RASGRF2: variants seen among roughly 807,000 people sequenced by gnomAD.
The protein encoded by RASGRF2 is Ras protein specific guanine nucleotide releasing factor 2.
In RASGRF2, 76 loss-of-function variants were observed where a neutral mutation model predicts 151.0. That is an observed-to-expected ratio of 0.50 (90% confidence interval 0.42 to 0.61). The LOEUF is 0.61. Ranked by LOEUF, RASGRF2 falls within the 20% of genes least tolerant of loss-of-function variation. The probability of loss-of-function intolerance (pLI) is 0.00; values close to 1 mark genes in which losing one functional copy is unlikely to be tolerated. For synonymous variants in RASGRF2, 504 were observed against 566.5 expected (o/e 0.89, Z 1.57); for missense variants, 1,148 against 1,564.6 (o/e 0.73, Z 4.49).
intron 4 of RASGRF2, 151 bp downstream of exon 4, chr5:81,070,732 A>C (rs904315360): frequency 4.8e-6 from 3 of 625,680 alleles, no homozygotes; most frequent in Non-Finnish European, 8.4e-6. Flanking sequence ...TGATCCAGAC[A>C]TGGCTACTCT....
At chr5:81,056,037 G>C (rs1156612594) in intron 2 of RASGRF2, among the ~76,000 whole-genome samples, 1 of 151,848 alleles carries the variant, frequency 6.6e-6, no homozygotes, top group African/African-American at 2.4e-5. Flanking sequence ...TATTAGTCTT[G>C]CTAGTGGTCT....
intron 11 of RASGRF2, 120 bp from the exon 12 acceptor site, chr5:81,094,736 C>A: frequency 8.9e-7 from 1 of 1,120,854 alleles, no homozygotes; most frequent in Non-Finnish European, 1.3e-6. Context: ...TACGATATTG[C>A]TGAAATGAGA....
chr5:81,206,898 T>C lies in RASGRF2; in HGVS notation c.2960T>C (p.Ile987Thr). ...DDIHLKLEDIIQMTDCMKAEC... is the reference protein window; with the variant it reads ...DDIHLKLEDITQMTDCMKAEC... ...ATCCACCTAAAATTAGAGGATATAATTCAAATGGTAAGTCTGACCACATTT... is the reference window on the plus strand; with the variant it reads ...ATCCACCTAAAATTAGAGGATATAACTCAAATGGTAAGTCTGACCACATTT... The change falls in exon 20 of 27, where the codon ATT becomes ACT. Residue 987 changes from isoleucine to threonine, a missense_variant. This residue lies in a region of RASGRF2 where 646 missense variants were observed against 807.4 expected (regional missense o/e 0.80). Transcript: ENST00000265080. 1 of 1,607,260 alleles carries C rather than the reference T, an allele frequency of 6.2e-7. No individual in the cohort carries two copies. The highest frequency in any genetic ancestry group is 8.5e-7 in the Non-Finnish European group (1 of 1,173,726).
At chr5:81,169,947 C>CTG (rs1754610409) in intron 17 of RASGRF2, among the ~76,000 whole-genome samples, 2 of 150,128 alleles carry the variant, frequency 1.3e-5, no homozygotes, top group Admixed American at 6.6e-5. Flanking sequence ...CCTGTATCAC[C>CTG]CATACCACCT....
At chr5:81,149,139 G>A (rs1425458643) in intron 17 of RASGRF2, among the ~76,000 whole-genome samples, 1 of 152,126 alleles carries the variant, frequency 6.6e-6, no homozygotes, top group Non-Finnish European at 1.5e-5. Context: ...TCCCACTATT[G>A]GGAAAATAAG....
chr5:81,100,064 T>C (rs1352177995), intron 12 of RASGRF2, among the ~76,000 whole-genome samples: 2 of 152,010 alleles, frequency 1.3e-5, no homozygotes, highest in East Asian at 1.9e-4. Context: ...CCCACCAGCA[T>C]GCCCAGCTAA....
chr5:81,085,927 A>G lies in RASGRF2; in HGVS notation c.1271+16A>G, dbSNP rs762993818. ...AACTATCCAGGTATGCCAAGAACTTATAACAAAGGCTTGGGAGAGGAAAGC... is the reference window on the plus strand; with the variant it reads ...AACTATCCAGGTATGCCAAGAACTTGTAACAAAGGCTTGGGAGAGGAAAGC... On this transcript the variant is annotated intron_variant, in intron 8 of 26. Coordinates refer to ENST00000265080, the MANE Select transcript of RASGRF2 (RefSeq NM_006909.3). 3.7e-6 allele frequency: 6 copies of G among 1,613,912 alleles called. No individual in the cohort carries two copies. The Admixed American group carries it at 5.0e-5, about 13-fold the overall frequency.
At chr5:81,150,091 C>G (rs1489893666) in intron 17 of RASGRF2, among the ~76,000 whole-genome samples, 1 of 152,102 alleles carries the variant, frequency 6.6e-6, no homozygotes, top group Non-Finnish European at 1.5e-5. Flanking sequence ...TTGCTGGTGT[C>G]TGGTGATTTG....
chr5:81,099,741 T>A (rs1340392364), intron 12 of RASGRF2, among the ~76,000 whole-genome samples: 1 of 152,210 alleles, frequency 6.6e-6, no homozygotes, highest in African/African-American at 2.4e-5. Context: ...TAATTATCAA[T>A]GAGATTAACA....
intron 17 of RASGRF2, among the ~76,000 whole-genome samples, chr5:81,141,543 T>C (rs1358264403): frequency 6.6e-6 from 1 of 152,238 alleles, no homozygotes; most frequent in Admixed American, 6.5e-5. Flanking sequence ...AAACTGCTGC[T>C]TTCTTTGCCC....
chr5:81,080,467 A>G, intron 6 of RASGRF2, 129 bp from the exon 7 acceptor site: 1 of 1,095,850 alleles, frequency 9.1e-7, no homozygotes, highest in Non-Finnish European at 1.3e-6. Flanking sequence ...ATCATCATTC[A>G]GGCATCAGGG....
chr5:81,138,364 G>A lies in RASGRF2; in HGVS notation c.2686+11201G>A, dbSNP rs568085004. Among the ~76,000 whole-genome samples the A allele has an allele frequency of 2.0e-4, 30 of 152,066 alleles. No homozygotes were observed. The East Asian group carries it at 4.6e-3, about 23-fold the overall frequency. ...CCCTGTAGACTATATTATTTTCCCC[G>A]TAGCTAAGAAGAAGGCGAGAGGGGA... On this transcript the variant is annotated intron_variant, in intron 17 of 26. Coordinates refer to ENST00000265080, the MANE Select transcript of RASGRF2 (RefSeq NM_006909.3).
At chr5:81,051,705 A>G (rs925956271) in intron 2 of RASGRF2, among the ~76,000 whole-genome samples, 4 of 152,146 alleles carry the variant, frequency 2.6e-5, no homozygotes, top group Non-Finnish European at 5.9e-5. Flanking sequence ...GATATACCAC[A>G]TTTTATTTAT....
intron 26 of RASGRF2, 146 bp downstream of exon 26, chr5:81,219,924 TAAAA>T (rs34019036): frequency 3.1e-4 from 113 of 366,670 alleles, no homozygotes; most frequent in South Asian, 6.4e-4. Flanking sequence ...CTAGTCTGAT[TAAAA>T]AAAAAAAAAA....
chr5:81,225,649 A>G, intron 26 of RASGRF2, 29 bp from the exon 27 acceptor site: 1 of 1,610,412 alleles, frequency 6.2e-7, no homozygotes, highest in Non-Finnish European at 8.5e-7. Context: ...TGAAAGAGGT[A>G]AAAGCTGGGA....
chr5:81,216,360 C>CAT (rs1755735878), intron 24 of RASGRF2, among the ~76,000 whole-genome samples: 4 of 130,938 alleles, frequency 3.1e-5, no homozygotes, highest in Non-Finnish European at 6.6e-5. Context: ...CACACACACA[C>CAT]ACACACACGC....
rs996747784 is a variant in RASGRF2, at chr5:81,194,828, A to G, written c.2794-6502A>G. 2.6e-5 allele frequency among the ~76,000 whole-genome samples: 4 copies of G among 152,196 alleles called. No individual in the cohort carries two copies. The South Asian group carries it at 6.2e-4, about 24-fold the overall frequency. On this transcript the variant is annotated intron_variant, in intron 18 of 26. Transcript: ENST00000265080. ...TCTTTCATGTGCAAACCCACCCAGA[A>G]GTCTGCTGCTCCGCCTCCACTGCAG...
chr5:81,114,779 A>C lies in RASGRF2; in HGVS notation c.2470+859A>C, dbSNP rs1409312563. On this transcript the variant is annotated intron_variant, in intron 15 of 26. Transcript: ENST00000265080. ...TCTGCTTGGCCACTTTTGCCATGTA[A>C]GCTCCATGAGATCAGCAGTCTGTCT... The C allele has an allele frequency of 2.0e-5, 3 of 152,178 alleles. No individual in the cohort carries two copies. The East Asian group carries it at 5.8e-4, about 29-fold the overall frequency. The allele number at this position is 152,178 out of a possible 1,614,324, so 9.4% of individuals were successfully genotyped here. A position where few individuals can be genotyped will look rare whatever the true frequency, so the allele number is the denominator to read the frequency against.
At chr5:81,052,729 A>T (rs1356653764) in intron 2 of RASGRF2, among the ~76,000 whole-genome samples, 2 of 152,184 alleles carry the variant, frequency 1.3e-5, no homozygotes, top group East Asian at 3.8e-4. Context: ...GTGTGAGTAA[A>T]GATAGAGAAA....
Sources: allele counts gnomAD v4.1 joint callset (sites outside exome capture counted in the v4.1 genomes callset), GRCh38; gene constraint gnomAD v4.1.1; regional missense constraint gnomAD v4.1.1; transcripts MANE v1.5; gene names NCBI Gene and HGNC (gene_info 2026-07-23, HGNC 2026-07-21).